Variants in TCF12 observed in about 807,000 individuals in gnomAD.
The protein encoded by TCF12 is transcription factor 12, also known as DNA-binding protein HTF4.
TCF12 carries 45 observed loss-of-function variants against 86.0 expected under a neutral mutation model. The ratio of observed to expected loss-of-function variants is 0.52; its 90% CI spans 0.41 to 0.67. The LOEUF is 0.67. Among genes scored for constraint, TCF12 ranks in the 30% least tolerant of loss-of-function variants. The pLI is 0.00. For missense variants in TCF12, 881 were observed against 859.9 expected, an observed-to-expected ratio of 1.02 and a Z score of -0.31; for synonymous variants, 330 against 299.6, an observed-to-expected ratio of 1.10 and a Z score of -1.05.
At chr15:57,119,215 C>T (rs2051052441) in intron 5 of TCF12, among the ~76,000 whole-genome samples, 1 of 152,122 alleles carries the variant, frequency 6.6e-6, no homozygotes, top group Admixed American at 6.6e-5. Context: ...GCCTCAGCCT[C>T]CTGAGTAGCT....
intron 5 of TCF12, among the ~76,000 whole-genome samples, chr15:57,157,626 G>T (rs527699335): frequency 2.0e-5 from 3 of 149,460 alleles, no homozygotes; most frequent in Admixed American, 6.8e-5. Flanking sequence ...ACAATGGCTC[G>T]ATCTAGGCTC....
intron 3 of TCF12, among the ~76,000 whole-genome samples, chr15:56,978,348 A>T (rs1377381808): frequency 6.6e-6 from 1 of 152,228 alleles, no homozygotes; most frequent in Non-Finnish European, 1.5e-5. Context: ...TTTTAGGGAA[A>T]TGTGTTTGCC....
In TCF12 at chr15:57,126,007, G is replaced by C. The variant is rs528120821; in HGVS notation, c.325+34116G>C. Among the ~76,000 whole-genome samples the C allele has an allele frequency of 1.5e-4, 23 of 152,298 alleles. No individual in the cohort carries two copies. The South Asian group carries it at 4.8e-3, about 32-fold the overall frequency. On this transcript the variant is annotated intron_variant, in intron 5 of 20. Coordinates refer to ENST00000333725, the MANE Select transcript of TCF12 (RefSeq NM_207037.2). Reference sequence around the variant, plus strand: ...GCACTTTGGGAGGCCAAGACAGGCAGATTGCATGGGCTCAGGAGTTCGAGA... The same window carrying C: ...GCACTTTGGGAGGCCAAGACAGGCACATTGCATGGGCTCAGGAGTTCGAGA...
At chr15:57,268,615 T>C (rs1455537897) in intron 18 of TCF12, among the ~76,000 whole-genome samples, 1 of 152,196 alleles carries the variant, frequency 6.6e-6, no homozygotes, top group East Asian at 1.9e-4. Flanking sequence ...ATGTCTAATA[T>C]TTTTGTACAT....
chr15:57,025,632 G>A (rs891177783), intron 3 of TCF12, among the ~76,000 whole-genome samples: 3 of 152,094 alleles, frequency 2.0e-5, no homozygotes, highest in Non-Finnish European at 4.4e-5. Flanking sequence ...CTTGAAATGC[G>A]CCTGGTCTCC....
At chr15:57,155,919 C>T (rs1296150799) in intron 5 of TCF12, among the ~76,000 whole-genome samples, 1 of 152,146 alleles carries the variant, frequency 6.6e-6, no homozygotes, top group African/African-American at 2.4e-5. Context: ...TATGTATTTT[C>T]TTTATACACA....
intron 3 of TCF12, among the ~76,000 whole-genome samples, chr15:57,007,447 T>C (rs1324033541): frequency 2.0e-5 from 3 of 152,286 alleles, no homozygotes; most frequent in Non-Finnish European, 4.4e-5. Context: ...AATGAAGAAT[T>C]TGTTTAAGAG....
At chr15:56,941,575 A>G (rs565225364) in intron 3 of TCF12, among the ~76,000 whole-genome samples, 3 of 151,504 alleles carry the variant, frequency 2.0e-5, no homozygotes, top group Non-Finnish European at 4.4e-5. Context: ...GGGTTTCATT[A>G]TGTTGGCCAG....
chr15:56,945,543 T>A (rs976195000), intron 3 of TCF12, among the ~76,000 whole-genome samples: 2 of 152,142 alleles, frequency 1.3e-5, no homozygotes, highest in Non-Finnish European at 1.5e-5. Flanking sequence ...GACCTTTTTT[T>A]TTCCTTTTGA....
chr15:57,047,104 T>C (rs535467057), intron 3 of TCF12, among the ~76,000 whole-genome samples: 2 of 152,214 alleles, frequency 1.3e-5, no homozygotes, highest in Non-Finnish European at 2.9e-5. Context: ...CAGAGCAAAC[T>C]CAGAATAAAT....
At chr15:57,200,928 GT>G (rs2057512665) in intron 8 of TCF12, among the ~76,000 whole-genome samples, 1 of 152,156 alleles carries the variant, frequency 6.6e-6, no homozygotes. Flanking sequence ...CTGATTGGCT[GT>G]ATAGCCTTAG....
At chr15:57,168,670 A>G (rs1289468665) in intron 6 of TCF12, among the ~76,000 whole-genome samples, 2 of 152,168 alleles carry the variant, frequency 1.3e-5, no homozygotes, top group Non-Finnish European at 2.9e-5. Flanking sequence ...GATCTTGGCT[A>G]TAGTACTCAT....
Position 56,920,981 on chromosome 15 carries a change from T to C in TCF12, c.76-45T>C, listed in dbSNP as rs76588581. 5,066 of 1,481,844 alleles carry C rather than the reference T, an allele frequency of 3.4e-3. 100 individuals are homozygous for C. The African/African-American group carries it at 0.041, about 12-fold the overall frequency. 91.8% of individuals were successfully genotyped at this position (1,481,844 alleles called of 1,614,324 possible). A position where few individuals can be genotyped will look rare whatever the true frequency, so the allele number is the denominator to read the frequency against. On this transcript the variant is annotated intron_variant, in intron 2 of 20. Transcript: ENST00000333725. ...GGTGGACTTTTGTTTGCAAGGAATCTAGAAGAATTTCAGGACTAACAGATA... is the reference window on the plus strand; with the variant it reads ...GGTGGACTTTTGTTTGCAAGGAATCCAGAAGAATTTCAGGACTAACAGATA...
rs1353194458 is a variant in TCF12, at chr15:57,177,089, T to C, written c.390+10623T>C. 3.9e-5 allele frequency among the ~76,000 whole-genome samples: 6 copies of C among 152,050 alleles called. No homozygotes were observed. In the South Asian group the frequency reaches 6.2e-4, roughly 16 times the overall value. The stretch of plus-strand genomic sequence containing the variant: ...CACACTAGTTGGCACACAGTAGGCA[T>C]TGAGAAAATGTTGTTTGAATCTGAA... On this transcript the variant is annotated intron_variant, in intron 6 of 20. Coordinates refer to ENST00000333725, the MANE Select transcript of TCF12 (RefSeq NM_207037.2).
intron 18 of TCF12, among the ~76,000 whole-genome samples, chr15:57,271,013 A>G (rs143408162): frequency 2.6e-5 from 4 of 152,294 alleles, no homozygotes; most frequent in African/African-American, 9.6e-5. Context: ...CAGTCAGGCT[A>G]CACGGGGGTC....
intron 16 of TCF12, among the ~76,000 whole-genome samples, chr15:57,254,496 G>A (rs570747482): frequency 6.6e-6 from 1 of 151,956 alleles, no homozygotes; most frequent in South Asian, 2.1e-4. Context: ...TTGAAAATCA[G>A]TCTCCTTTTA....
intron 5 of TCF12, among the ~76,000 whole-genome samples, chr15:57,104,448 T>C (rs1332373317): frequency 1.0e-4 from 15 of 146,146 alleles, no homozygotes; most frequent in African/African-American, 2.0e-4. Flanking sequence ...TTTTTTTTTT[T>C]TTTTTTTTTT....
At chr15:56,927,414 G>T (rs979747495) in intron 3 of TCF12, among the ~76,000 whole-genome samples, 2 of 152,046 alleles carry the variant, frequency 1.3e-5, no homozygotes, top group African/African-American at 4.8e-5. Context: ...TTTTCTTATA[G>T]TTCCGTTTGC....
rs562748293 is a variant in TCF12 at position 57,123,067 on chromosome 15, A to G, written c.325+31176A>G. Among the ~76,000 whole-genome samples, 56 of 152,338 alleles carry G rather than the reference A, an allele frequency of 3.7e-4. 2 individuals are homozygous for G. The South Asian group carries it at 0.011, about 30-fold the overall frequency. On this transcript the variant is annotated intron_variant, in intron 5 of 20. Coordinates refer to ENST00000333725, the MANE Select transcript of TCF12 (RefSeq NM_207037.2). Reference sequence around the variant, plus strand: ...ACCAACATTGAAGCAAAAAAGACAGATGTCATTCACAACAATGAATGATAC... The same window carrying G: ...ACCAACATTGAAGCAAAAAAGACAGGTGTCATTCACAACAATGAATGATAC...
Sources: gnomAD v4.1 joint callset for allele counts (sites outside exome capture counted in the v4.1 genomes callset) on GRCh38, gnomAD v4.1.1 for gene constraint, MANE v1.5 for transcripts, NCBI Gene and HGNC (gene_info 2026-07-23, HGNC 2026-07-21) for gene names.